Variants in PTPRB observed in about 807,000 individuals in gnomAD.
PTPRB encodes the protein receptor-type tyrosine-protein phosphatase beta.
A neutral mutation model predicts 238.1 loss-of-function variants in PTPRB; 97 were observed. The observed-to-expected ratio is 0.41, with a 90% CI of 0.35 to 0.48. The LOEUF (loss-of-function observed/expected upper bound fraction) is 0.48, where lower values mean the gene tolerates loss of function less well. PTPRB is among the 20% of genes least tolerant of loss of function. The pLI is 0.30. For missense variants in PTPRB, 2,292 were observed against 2,681.9 expected (o/e 0.85, Z 3.21); for synonymous variants, 970 against 995.4 (o/e 0.97, Z 0.48).
rs1421179861 is a variant in PTPRB at position 70,559,556 on chromosome 12, C to T, written c.4501G>A (p.Gly1501Arg). ...ANTSLAITWK[G>R]PPDWTDYNDF... The stretch of plus-strand genomic sequence containing the variant: ...TTGTAGTCTGTCCAGTCTGGGGGCC[C>T]TTTCCACGTGATGGCCAAGGATGTG... Residue 1501 changes from glycine (G) to arginine (R), a missense_variant, in exon 18 of 34, where the codon GGG becomes AGG. Gly to Arg is a moderately radical substitution (Grantham distance 125). Coordinates refer to ENST00000334414, the MANE Select transcript of PTPRB (RefSeq NM_001109754.4). 5 of 1,613,728 alleles carry T rather than the reference C, an allele frequency of 3.1e-6. No homozygotes were observed. The highest frequency in any genetic ancestry group is 4.2e-6 in the Non-Finnish European group (5 of 1,179,652).
Position 70,520,942 on chromosome 12 carries a change from C to T in PTPRB, c.*547G>A, listed in dbSNP as rs538924556. On this transcript the variant is annotated 3_prime_UTR_variant, in exon 34 of 34. Coordinates refer to ENST00000334414, the MANE Select transcript of PTPRB (RefSeq NM_001109754.4). ...AGTTCAGCTTTGGTACTGCTTAATTCTTTTTTCTCCCTCCCTCTAATCCTT... is the reference window on the plus strand; with the variant it reads ...AGTTCAGCTTTGGTACTGCTTAATTTTTTTTTCTCCCTCCCTCTAATCCTT... 4 of 152,436 alleles carry T rather than the reference C, an allele frequency of 2.6e-5. No homozygotes were observed. Among genetic ancestry groups the T allele is most frequent in the African/African-American group, 9.6e-5 (4 of 41,558 alleles). 9.4% of individuals were successfully genotyped at this position (152,436 alleles called of 1,614,324 possible).
chr12:70,543,799 G>A (rs1049972137), intron 22 of PTPRB, among the ~76,000 whole-genome samples: 2 of 152,222 alleles, frequency 1.3e-5, no homozygotes, highest in East Asian at 1.9e-4. Context: ...TGGGCAGAAA[G>A]TGCCAGAATT....
At chr12:70,604,085 TA>T (rs1883742761) in intron 4 of PTPRB, among the ~76,000 whole-genome samples, 1 of 151,842 alleles carries the variant, frequency 6.6e-6, no homozygotes, top group South Asian at 2.1e-4. Flanking sequence ...ACAAATAATT[TA>T]AAAAACTAGC....
Position 70,571,973 on chromosome 12 carries a change from T to G in PTPRB, c.2957A>C (p.Asn986Thr). The change falls in exon 12 of 34, where the codon AAC becomes ACC. Residue 986 changes from asparagine to threonine, a missense_variant. Around this residue, in one of 4 missense-constraint regions of PTPRB, gnomAD observed 1,205 missense variants for 1,287.8 expected, o/e 0.94. Coordinates refer to ENST00000334414, the MANE Select transcript of PTPRB (RefSeq NM_001109754.4). ...TTTAGTTTGAATGAAGTTGTTTTTG[T>G]TTTTAATGGTGACTTCATAGTGATC... is the stretch of plus-strand genomic sequence containing the variant. ...DFDHYEVTIK[N>T]KNNFIQTKSI... The G allele has an allele frequency of 6.2e-7, 1 of 1,613,988 alleles. No homozygotes were observed. The highest frequency in any genetic ancestry group is 8.5e-7 in the Non-Finnish European group (1 of 1,179,876).
chr12:70,587,382 T>A, intron 8 of PTPRB, 115 bp from the exon 9 acceptor site: 1 of 1,225,158 alleles, frequency 8.2e-7, no homozygotes, highest in Non-Finnish European at 1.1e-6. Flanking sequence ...ACATTTATTT[T>A]ATGAATGTCT....
chr12:70,532,257 T>C lies in PTPRB; in HGVS notation c.6369-87A>G, dbSNP rs547969646. The C allele has an allele frequency of 4.2e-6, 6 of 1,427,978 alleles. No individual in the cohort carries two copies. In the Admixed American group the frequency reaches 1.6e-4, roughly 37 times the overall value. The allele number at this position is 1,427,978 out of a possible 1,614,324, so 88.5% of individuals were successfully genotyped here. ...CTAGAGACTCTGGCACAATCTTTTT[T>C]TTCCCTTCCCAGTTATGGGAGAAGA... On this transcript the variant is annotated intron_variant, in intron 31 of 33. Coordinates refer to ENST00000334414, the MANE Select transcript of PTPRB (RefSeq NM_001109754.4).
intron 18 of PTPRB, 51 bp downstream of exon 18, chr12:70,559,292 T>C (rs1166654822): frequency 3.9e-6 from 6 of 1,530,364 alleles, no homozygotes; most frequent in Admixed American, 1.7e-5. Context: ...ATGTTGAACA[T>C]ATACTTCCTC....
chr12:70,636,475 G>A (rs1885699372), intron 1 of PTPRB, among the ~76,000 whole-genome samples: 1 of 151,974 alleles, frequency 6.6e-6, no homozygotes, highest in Non-Finnish European at 1.5e-5. Context: ...TTCGATATAA[G>A]CTTCCTCCCT....
Position 70,581,109 on chromosome 12 carries a change from G to A in PTPRB, c.2505C>T (p.Ser835=). Residue 835 remains serine (S), a synonymous_variant, in exon 10 of 34, where the codon AGC becomes AGT. Transcript: ENST00000334414. ...CTGTTGTTACCACCACGGAGTACAG[G>A]CTGCCGGACTTGAGAGAGTGGAAGC... ...RYSFHSLKSG[S]LYSVVVTTVS... The A allele has an allele frequency of 1.2e-6, 2 of 1,613,986 alleles. No homozygotes were observed. Among genetic ancestry groups the A allele is most frequent in the Non-Finnish European group, 8.5e-7 (1 of 1,179,892 alleles).
chr12:70,547,433 C>T (rs1462713000), intron 21 of PTPRB, among the ~76,000 whole-genome samples: 1 of 152,104 alleles, frequency 6.6e-6, no homozygotes, highest in Non-Finnish European at 1.5e-5. Context: ...ATTTATTATA[C>T]ATTTGGAAAT....
chr12:70,561,226 G>A (rs1565944888), intron 16 of PTPRB, among the ~76,000 whole-genome samples: 1 of 152,110 alleles, frequency 6.6e-6, no homozygotes, highest in South Asian at 2.1e-4. Context: ...TTTAGCTTAT[G>A]AAAAAGGCCC....
intron 4 of PTPRB, 66 bp downstream of exon 4, chr12:70,609,003 C>T: frequency 6.5e-7 from 1 of 1,531,000 alleles, no homozygotes; most frequent in Non-Finnish European, 8.9e-7. Context: ...AATGAAACAC[C>T]AGCTTGAAAA....
At chr12:70,535,625 GATT>G (rs1318176771) in intron 29 of PTPRB, among the ~76,000 whole-genome samples, 2 of 152,134 alleles carry the variant, frequency 1.3e-5, no homozygotes, top group Admixed American at 1.3e-4. Context: ...GATTTGTCTG[GATT>G]ATTATTTTAC....
In PTPRB at chr12:70,521,653, C is replaced by G. The variant is rs1035794766; in HGVS notation, c.6626-142G>C. On this transcript the variant is annotated intron_variant, in intron 33 of 33. Coordinates refer to ENST00000334414, the MANE Select transcript of PTPRB (RefSeq NM_001109754.4). Reference sequence around the variant, plus strand: ...TAAGATGAGACCATTCCTATTGGGACCAGGTAATTCCATTTAGAAAGACAG... The same window carrying G: ...TAAGATGAGACCATTCCTATTGGGAGCAGGTAATTCCATTTAGAAAGACAG... 12 of 587,596 alleles carry G rather than the reference C, an allele frequency of 2.0e-5. No homozygotes were observed. In the African/African-American group the frequency reaches 2.3e-4, roughly 11 times the overall value. 36.4% of individuals were successfully genotyped at this position (587,596 alleles called of 1,614,324 possible). A position where few individuals can be genotyped will look rare whatever the true frequency, so the allele number is the denominator to read the frequency against.
At position 70,569,715 on chromosome 12, in the gene PTPRB, G is replaced by A. The variant is rs183482125; in HGVS notation, c.3594C>T (p.Ser1198=). Residue 1198 remains serine (S), a synonymous_variant, in exon 14 of 34, where the codon AGC becomes AGT. Coordinates refer to ENST00000334414, the MANE Select transcript of PTPRB (RefSeq NM_001109754.4). The part of the protein sequence containing the change: ...EQYQIMIASV[S]GSLKNQINVV... ...CATTTATCTGATTCTTCAGGGACCC[G>A]CTGACTGAGGCAATCATGATCTGGT... 9.7e-5 allele frequency: 157 copies of A among 1,613,844 alleles called. No homozygotes were observed. Among genetic ancestry groups the A allele is most frequent in the Non-Finnish European group, 7.8e-5 (92 of 1,179,860 alleles).
At chr12:70,609,526 C>A (rs1048916447) in intron 3 of PTPRB, among the ~76,000 whole-genome samples, 187 bp from the exon 4 acceptor site, 1 of 152,220 alleles carries the variant, frequency 6.6e-6, no homozygotes, top group Admixed American at 6.5e-5. Context: ...TTCTCCCTAG[C>A]TGCTGTCCCT....
chr12:70,626,980 G>T (rs756286285), intron 2 of PTPRB, among the ~76,000 whole-genome samples: 68 of 151,968 alleles, frequency 4.5e-4, no homozygotes, highest in Non-Finnish European at 7.4e-5. Flanking sequence ...TTAATAAATG[G>T]AAATTGATAC....
At chr12:70,610,724 C>T (rs148657166) in intron 3 of PTPRB, among the ~76,000 whole-genome samples, 4 of 152,274 alleles carry the variant, frequency 2.6e-5, no homozygotes, top group East Asian at 3.9e-4. Context: ...ATGTAAATAG[C>T]GCTAACGACA....
At chr12:70,535,791 C>T (rs1874039837) in intron 29 of PTPRB, among the ~76,000 whole-genome samples, 1 of 152,174 alleles carries the variant, frequency 6.6e-6, no homozygotes, top group South Asian at 2.1e-4. Context: ...GGCACTGCCA[C>T]TAATCCCAGT....
Sources: allele counts gnomAD v4.1 joint callset (sites outside exome capture counted in the v4.1 genomes callset), GRCh38; gene constraint gnomAD v4.1.1; regional missense constraint gnomAD v4.1.1; transcripts MANE v1.5; gene names NCBI Gene and HGNC (gene_info 2026-07-23, HGNC 2026-07-21).